Variants in KCTD12 observed in about 807,000 individuals in gnomAD.
KCTD12 encodes BTB/POZ domain-containing protein KCTD12.
A neutral mutation model predicts 22.6 loss-of-function variants in KCTD12; 16 were observed. The observed-to-expected ratio is 0.71, with a 90% CI of 0.48 to 1.07. KCTD12 has a LOEUF of 1.07. KCTD12 is among the 50% of genes least tolerant of loss of function. KCTD12 has a pLI of 0.00. For missense variants in KCTD12, 452 were observed against 469.2 expected (o/e 0.96, Z 0.34); for synonymous variants, 260 against 228.0 (o/e 1.14, Z -1.26).
rs879633611 is a variant in KCTD12 at position 76,886,258 on chromosome 13, CCCGCCGCCGCCGCCG to C, written c.-125_-111del. ...CCCGGACGCTCGCTCAGCCCTGCGCCCCGCCGCCGCCGCCGCCGCCACCGCCGCCACCGCCACCGC... is the reference window on the plus strand; with the variant it reads ...CCCGGACGCTCGCTCAGCCCTGCGCCCCGCCACCGCCGCCACCGCCACCGC... On this transcript the variant is annotated 5_prime_UTR_variant, in exon 1 of 1. Coordinates refer to ENST00000377474, the MANE Select transcript of KCTD12 (RefSeq NM_138444.4). 1.5e-4 allele frequency: 178 copies of C among 1,216,368 alleles called. No individual in the cohort carries two copies. The highest frequency in any genetic ancestry group is 8.1e-4 in the South Asian group (33 of 40,856). 75.3% of individuals were successfully genotyped at this position (1,216,368 alleles called of 1,614,324 possible).
rs1244006036 is a variant in KCTD12 at position 76,881,093 on chromosome 13, G to C, written c.*4078C>G. 6.6e-6 allele frequency: 1 copy of C among 152,142 alleles called. No homozygotes were observed. The highest frequency in any genetic ancestry group is 1.5e-5 in the Non-Finnish European group (1 of 67,996). 9.4% of individuals were successfully genotyped at this position (152,142 alleles called of 1,614,324 possible). A position where few individuals can be genotyped will look rare whatever the true frequency, so the allele number is the denominator to read the frequency against. The stretch of plus-strand genomic sequence containing the variant: ...GGTGCTACAGATACTGAAAATAGGA[G>C]TATTTTACTTATTTCTCAAGAGACA... On this transcript the variant is annotated 3_prime_UTR_variant, in exon 1 of 1. Transcript: ENST00000377474.
At position 76,884,357 on chromosome 13, in the gene KCTD12, C is replaced by G. The variant is rs1343391062; in HGVS notation, c.*814G>C. 1.3e-5 allele frequency: 2 copies of G among 152,222 alleles called. No homozygotes were observed. The highest frequency in any genetic ancestry group is 2.9e-5 in the Non-Finnish European group (2 of 68,044). The allele number at this position is 152,222 out of a possible 1,614,324, so 9.4% of individuals were successfully genotyped here. On this transcript the variant is annotated 3_prime_UTR_variant, in exon 1 of 1. Coordinates refer to ENST00000377474, the MANE Select transcript of KCTD12 (RefSeq NM_138444.4). ...TCTTAGGCGGCAGCGTCCTTTCTCC[C>G]TCTTGCCAGTAACTGCTGCCATGTC... is the stretch of plus-strand genomic sequence containing the variant.
chr13:76,886,322 A>C lies in KCTD12; in HGVS notation c.-174T>G. 1.4e-6 allele frequency: 1 copy of C among 698,428 alleles called. No individual in the cohort carries two copies. The highest frequency in any genetic ancestry group is 2.0e-6 in the Non-Finnish European group (1 of 511,832). The allele number at this position is 698,428 out of a possible 1,614,324, so 43.3% of individuals were successfully genotyped here. On this transcript the variant is annotated 5_prime_UTR_variant, in exon 1 of 1. Transcript: ENST00000377474. ...GCCGCCACCTCCTAGAGCCGCGCGG[A>C]GCCGAGCGGTGCGAGCGCGCCGCTG...
chr13:76,885,062 A>T lies in KCTD12; in HGVS notation c.*109T>A. ...CTCACCCAGCTACTACTGGAGGGGG[A>T]GAATGGGAGGGCAGCAGCCAGGGGA... is the stretch of plus-strand genomic sequence containing the variant. On this transcript the variant is annotated 3_prime_UTR_variant, in exon 1 of 1. Coordinates refer to ENST00000377474, the MANE Select transcript of KCTD12 (RefSeq NM_138444.4). The surrounding 1 kb of genome is among the most constrained non-coding windows in gnomAD (Gnocchi z 5.1). The T allele has an allele frequency of 8.0e-7, 1 of 1,251,024 alleles. No homozygotes were observed. Among genetic ancestry groups the T allele is most frequent in the Non-Finnish European group, 1.1e-6 (1 of 906,514 alleles). 77.5% of individuals were successfully genotyped at this position (1,251,024 alleles called of 1,614,324 possible).
rs1355443648 is a variant in KCTD12, at chr13:76,880,545, GAATC to G, written c.*4622_*4625del. ...ATCAGAATCCCAGATAACTCTGTGTGAATCTTACATTGTCTAGCAGATAAGGTTT... is the reference window on the plus strand; with the variant it reads ...ATCAGAATCCCAGATAACTCTGTGTGTTACATTGTCTAGCAGATAAGGTTT... On this transcript the variant is annotated 3_prime_UTR_variant, in exon 1 of 1. Coordinates refer to ENST00000377474, the MANE Select transcript of KCTD12 (RefSeq NM_138444.4). 6.6e-6 allele frequency: 1 copy of G among 152,424 alleles called. No individual in the cohort carries two copies. Among genetic ancestry groups the G allele is most frequent in the Non-Finnish European group, 1.5e-5 (1 of 68,012 alleles). 9.4% of individuals were successfully genotyped at this position (152,424 alleles called of 1,614,324 possible). A position where few individuals can be genotyped will look rare whatever the true frequency, so the allele number is the denominator to read the frequency against.
Position 76,886,124 on chromosome 13 carries a change from C to G in KCTD12, c.25G>C (p.Gly9Arg). The change falls in exon 1 of 1, where the codon GGA (glycine) becomes CGA (arginine). Residue 9 changes from glycine (G) to arginine (R), a missense_variant. Transcript: ENST00000377474. The stretch of plus-strand genomic sequence containing the variant: ...CCGCCGCCGCCCCCGTTGGGTAATC[C>G]ACGTGTGCTGTCCGCCAGAGCCATG... The part of the protein sequence containing the change: MALADSTR[G>R]LPNGGGGGGG... 1 of 1,531,150 alleles carries G rather than the reference C, an allele frequency of 6.5e-7. No individual in the cohort carries two copies. The highest frequency in any genetic ancestry group is 1.2e-5 in the South Asian group (1 of 80,818). 94.8% of individuals were successfully genotyped at this position (1,531,150 alleles called of 1,614,324 possible). A position where few individuals can be genotyped will look rare whatever the true frequency, so the allele number is the denominator to read the frequency against.
At position 76,886,107 on chromosome 13, in the gene KCTD12, G is replaced by T. The variant is rs1023414276; in HGVS notation, c.42C>A (p.Gly14=). 1.3e-6 allele frequency: 2 copies of T among 1,540,330 alleles called. No homozygotes were observed. The highest frequency in any genetic ancestry group is 4.0e-5 in the Admixed American group (2 of 50,256). The change falls in exon 1 of 1, where the codon GGC becomes GGA. Residue 14 remains glycine, a synonymous_variant. Coordinates refer to ENST00000377474, the MANE Select transcript of KCTD12 (RefSeq NM_138444.4). ...AGGAGCCACTGCCGCCCCCGCCGCC[G>T]CCCCCGTTGGGTAATCCACGTGTGC... ...ADSTRGLPNG[G]GGGGGSGSSS...
In KCTD12 at chr13:76,884,924, T is replaced by TGGGGGG. The variant is rs2033244954; in HGVS notation, c.*246_*247insCCCCCC. ...GAAAGCATGGAGTGGTAGGTGGGGG[T>TGGGGGG]GGGGTGGGGGTTCCTCTGGGTTCTC... On this transcript the variant is annotated 3_prime_UTR_variant, in exon 1 of 1. Transcript: ENST00000377474. 9.2e-6 allele frequency: 3 copies of TGGGGGG among 325,284 alleles called. No homozygotes were observed. Among genetic ancestry groups the TGGGGGG allele is most frequent in the African/African-American group, 9.4e-5 (2 of 21,176 alleles). The allele number at this position is 325,284 out of a possible 1,614,324, so 20.1% of individuals were successfully genotyped here.
In KCTD12 at chr13:76,885,381, G is replaced by A. The variant is rs2033252852; in HGVS notation, c.768C>T (p.Ser256=). Residue 256 remains serine, a synonymous_variant, in exon 1 of 1, where the codon AGC becomes AGT. Coordinates refer to ENST00000377474, the MANE Select transcript of KCTD12 (RefSeq NM_138444.4). This position sits in a 1 kb window ranked among gnomAD's most constrained non-coding sequence, Gnocchi z 5.1. ...KEVFGDTLNE[S]RDPDRPPERY... ...GCTCCGGGGGACGGTCGGGGTCCCG[G>A]CTTTCGTTCAGGGTGTCCCCAAACA... 1 of 1,613,756 alleles carries A rather than the reference G, an allele frequency of 6.2e-7. No homozygotes were observed. Among genetic ancestry groups the A allele is most frequent in the Non-Finnish European group, 8.5e-7 (1 of 1,179,958 alleles).
At position 76,886,231 on chromosome 13, in the gene KCTD12, A is replaced by AGCCCCGG. The variant is rs1555308948; in HGVS notation, c.-84_-83insCCGGGGC. The stretch of plus-strand genomic sequence containing the variant: ...GCAACCGCCTTCCCCGGAGCCCCGG[A>AGCCCCGG]ACCCGGACGCTCGCTCAGCCCTGCG... On this transcript the variant is annotated 5_prime_UTR_variant, in exon 1 of 1. Coordinates refer to ENST00000377474, the MANE Select transcript of KCTD12 (RefSeq NM_138444.4). 6.6e-6 allele frequency: 9 copies of AGCCCCGG among 1,370,812 alleles called. No individual in the cohort carries two copies. The highest frequency in any genetic ancestry group is 4.0e-5 in the Admixed American group (1 of 25,282). 84.9% of individuals were successfully genotyped at this position (1,370,812 alleles called of 1,614,324 possible).
rs1182934947 is a variant in KCTD12, at chr13:76,885,305, C to G, written c.844G>C (p.Asp282His). 1 of 1,613,804 alleles carries G rather than the reference C, an allele frequency of 6.2e-7. No homozygotes were observed. The highest frequency in any genetic ancestry group is 8.5e-7 in the Non-Finnish European group (1 of 1,179,946). The change falls in exon 1 of 1, where the codon GAC (aspartate) becomes CAC (histidine). Residue 282 changes from aspartate to histidine, a missense_variant. Around this residue, in one of 2 missense-constraint regions of KCTD12, gnomAD observed 122 missense variants for 172.8 expected, o/e 0.71. Coordinates refer to ENST00000377474, the MANE Select transcript of KCTD12 (RefSeq NM_138444.4). The surrounding 1 kb of genome is among the most constrained non-coding windows in gnomAD (Gnocchi z 5.1). ...TGGAAGCCCGACTCGGACAGCTTGT[C>G]GAAGGCCTGCTCCAGGAAGTTGAAC... ...LKFNFLEQAFDKLSESGFHMV... is the reference protein window; with the variant it reads ...LKFNFLEQAFHKLSESGFHMV...
In KCTD12 at chr13:76,885,660, C is replaced by T. The variant is rs776148938; in HGVS notation, c.489G>A (p.Glu163=). The change falls in exon 1 of 1, where the codon GAG becomes GAA. Residue 163 remains glutamate, a synonymous_variant. Coordinates refer to ENST00000377474, the MANE Select transcript of KCTD12 (RefSeq NM_138444.4). The surrounding 1 kb of genome is among the most constrained non-coding windows in gnomAD (Gnocchi z 5.1). ...CAGAGGCGCCCTCCTGCTGTTCGGG[C>T]TCCGAGTAGCCAAGCGGCAGCAGCT... ...GDELLPLGYS[E]PEQQEGASAG... 4.5e-5 allele frequency: 67 copies of T among 1,476,088 alleles called. No individual in the cohort carries two copies. In the Admixed American group the frequency reaches 1.2e-3, roughly 27 times the overall value. 91.4% of individuals were successfully genotyped at this position (1,476,088 alleles called of 1,614,324 possible).
At position 76,884,878 on chromosome 13, in the gene KCTD12, T is replaced by G. The variant is rs1593866181; in HGVS notation, c.*293A>C. On this transcript the variant is annotated 3_prime_UTR_variant, in exon 1 of 1. Coordinates refer to ENST00000377474, the MANE Select transcript of KCTD12 (RefSeq NM_138444.4). ...ACTGAAGTACCATCTGGGGGAGGGG[T>G]GGTTTGAGGCAGGGAGTAGAGAAAG... The G allele has an allele frequency of 8.7e-5, 26 of 298,984 alleles. No homozygotes were observed. Among genetic ancestry groups the G allele is most frequent in the East Asian group, 1.8e-4 (3 of 16,502 alleles). The allele number at this position is 298,984 out of a possible 1,614,324, so 18.5% of individuals were successfully genotyped here. A position where few individuals can be genotyped will look rare whatever the true frequency, so the allele number is the denominator to read the frequency against.
Position 76,885,278 on chromosome 13 carries a change from T to C in KCTD12, c.871A>G (p.Met291Val). 3 of 1,614,010 alleles carry C rather than the reference T, an allele frequency of 1.9e-6. No homozygotes were observed. Among genetic ancestry groups the C allele is most frequent in the Non-Finnish European group, 2.5e-6 (3 of 1,179,986 alleles). Residue 291 changes from methionine (M) to valine (V), a missense_variant, in exon 1 of 1, where the codon ATG becomes GTG. Met to Val is a conservative substitution (Grantham distance 21). This residue lies in a region of KCTD12 where 122 missense variants were observed against 172.8 expected (regional missense o/e 0.71). Coordinates refer to ENST00000377474, the MANE Select transcript of KCTD12 (RefSeq NM_138444.4). This position sits in a 1 kb window ranked among gnomAD's most constrained non-coding sequence, Gnocchi z 5.1. The part of the protein sequence containing the change: ...FDKLSESGFH[M>V]VACSSTGTCA... ...GTGCCCGTGGAGCTGCACGCCACCA[T>C]GTGGAAGCCCGACTCGGACAGCTTG... is the stretch of plus-strand genomic sequence containing the variant.
At position 76,885,443 on chromosome 13, in the gene KCTD12, T is replaced by C. The variant is rs1277556874; in HGVS notation, c.706A>G (p.Ile236Val). 6.2e-7 allele frequency: 1 copy of C among 1,612,018 alleles called. No individual in the cohort carries two copies. The highest frequency in any genetic ancestry group is 1.1e-5 in the South Asian group (1 of 91,034). Residue 236 changes from isoleucine to valine, a missense_variant, in exon 1 of 1, where the codon ATC becomes GTC. Transcript: ENST00000377474. The surrounding 1 kb of genome is among the most constrained non-coding windows in gnomAD (Gnocchi z 5.1). Reference sequence around the variant, plus strand: ...AGCGACGTCTTTCCGCAAACGGTGATGCGCGCCACTCGCCGGAACTTGGCG... The same window carrying C: ...AGCGACGTCTTTCCGCAAACGGTGACGCGCGCCACTCGCCGGAACTTGGCG... ...ADAKFRRVAR[I>V]TVCGKTSLAK...
rs745335575 is a variant in KCTD12, at chr13:76,885,769, C to T, written c.380G>A (p.Arg127His). 5.4e-5 allele frequency: 84 copies of T among 1,543,306 alleles called. 3 individuals carry two copies. In the South Asian group the frequency reaches 9.5e-4, roughly 17 times the overall value. The change falls in exon 1 of 1, where the codon CGC (arginine) becomes CAC (histidine). Residue 127 changes from arginine to histidine, a missense_variant. By Grantham distance (29) the Arg-to-His change is conservative. This residue lies in a region of KCTD12 where 330 missense variants were observed against 296.5 expected (regional missense o/e 1.11). Coordinates refer to ENST00000377474, the MANE Select transcript of KCTD12 (RefSeq NM_138444.4). This position sits in a 1 kb window ranked among gnomAD's most constrained non-coding sequence, Gnocchi z 5.1. ...GGGCTGCTGGGGCGCCCCGAGGCGG[C>T]GCACGAGCTCTGGCAGCTCGAAGTA... is the stretch of plus-strand genomic sequence containing the variant. ...AEYFELPELV[R>H]RLGAPQQPGP...
rs1165658589 is a variant in KCTD12, at chr13:76,883,135, T to C, written c.*2036A>G. 3 of 152,214 alleles carry C rather than the reference T, an allele frequency of 2.0e-5. No individual in the cohort carries two copies. Among genetic ancestry groups the C allele is most frequent in the Non-Finnish European group, 2.9e-5 (2 of 68,040 alleles). The allele number at this position is 152,214 out of a possible 1,614,324, so 9.4% of individuals were successfully genotyped here. A position where few individuals can be genotyped will look rare whatever the true frequency, so the allele number is the denominator to read the frequency against. ...TACTGGGGTAATATAGGAAATTTTA[T>C]AGCATTAGTAAATGAATTAAAAAAC... On this transcript the variant is annotated 3_prime_UTR_variant, in exon 1 of 1. Transcript: ENST00000377474.
At position 76,885,113 on chromosome 13, in the gene KCTD12, A is replaced by C; in HGVS notation, c.*58T>G. ...CAAAGGTGGGACAAGAGGCTCTGTAATCATCTCTCGGGCAGGAGAAGGACT... is the reference window on the plus strand; with the variant it reads ...CAAAGGTGGGACAAGAGGCTCTGTACTCATCTCTCGGGCAGGAGAAGGACT... On this transcript the variant is annotated 3_prime_UTR_variant, in exon 1 of 1. Coordinates refer to ENST00000377474, the MANE Select transcript of KCTD12 (RefSeq NM_138444.4). The surrounding 1 kb of genome is among the most constrained non-coding windows in gnomAD (Gnocchi z 5.1). 6.4e-7 allele frequency: 1 copy of C among 1,567,070 alleles called. No individual in the cohort carries two copies. The highest frequency in any genetic ancestry group is 1.2e-5 in the South Asian group (1 of 83,530).
At position 76,886,115 on chromosome 13, in the gene KCTD12, T is replaced by TAATACAC; in HGVS notation, c.33_34insGTGTATT (p.Asn12ValfsTer3). On this transcript the variant is annotated frameshift_variant, in exon 1 of 1. Transcript: ENST00000377474. LOFTEE classifies it high-confidence loss of function. ...CTGCCGCCCCCGCCGCCGCCCCCGTTGGGTAATCCACGTGTGCTGTCCGCC... is the reference window on the plus strand; with the variant it reads ...CTGCCGCCCCCGCCGCCGCCCCCGTTAATACACGGGTAATCCACGTGTGCTGTCCGCC... 6.5e-7 allele frequency: 1 copy of TAATACAC among 1,536,528 alleles called. No individual in the cohort carries two copies. Among genetic ancestry groups the TAATACAC allele is most frequent in the Non-Finnish European group, 8.8e-7 (1 of 1,142,174 alleles).
Sources: gnomAD v4.1 joint callset for allele counts on GRCh38, gnomAD v4.1.1 for gene constraint, gnomAD v4.1.1 regional missense constraint, Gnocchi (gnomAD v3.1) non-coding constraint, MANE v1.5 for transcripts, NCBI Gene and HGNC (gene_info 2026-07-23, HGNC 2026-07-21) for gene names.